QNG1: variants seen among roughly 807,000 people sequenced by gnomAD.
QNG1 encodes the protein queuosine 5'-phosphate N-glycosylase/hydrolase.
chr9:83,948,014 G>C, the QNG1 span, among the ~76,000 whole-genome samples: 1 of 139,872 alleles, frequency 7.1e-6, no homozygotes, highest in African/African-American at 2.9e-5. Context: ...CGGCCGCCCA[G>C]TCTGGGAAGT....
At chr9:83,945,137 C>T in the QNG1 span, 19 of 662,368 alleles carry the variant, frequency 2.9e-5, no homozygotes, top group East Asian at 5.9e-4. Context: ...GGCACCATGG[C>T]TCCCGCCTGT....
At chr9:83,939,637 C>T in the QNG1 span, 1 of 1,614,108 alleles carries the variant, frequency 6.2e-7, no homozygotes, top group Non-Finnish European at 8.5e-7. Context: ...GTTTTTCACC[C>T]TTTTGTTCAA....
chr9:83,944,253 C>G, the QNG1 span, among the ~76,000 whole-genome samples: 1 of 152,140 alleles, frequency 6.6e-6, no homozygotes, highest in African/African-American at 2.4e-5. Context: ...ATGTTATAAG[C>G]TAATTTTCAC....
the QNG1 span, among the ~76,000 whole-genome samples, chr9:83,950,248 C>G: frequency 4.6e-5 from 7 of 151,986 alleles, no homozygotes; most frequent in African/African-American, 1.7e-4. Flanking sequence ...CGGGGTTTCA[C>G]CACGTGTGCC....
the QNG1 span, among the ~76,000 whole-genome samples, chr9:83,949,481 T>TA: frequency 0.033 from 4,997 of 151,716 alleles, 263 homozygotes; most frequent in African/African-American, 0.11. Flanking sequence ...CCGTCTCTAC[T>TA]AAAAAAAATA....
the QNG1 span, among the ~76,000 whole-genome samples, chr9:83,944,135 A>G: frequency 2.0e-5 from 3 of 152,242 alleles, no homozygotes; most frequent in African/African-American, 7.2e-5. Flanking sequence ...CAACCTGGGC[A>G]ACATATTTTT....
chr9:83,951,504 T>A, the QNG1 span, among the ~76,000 whole-genome samples: 1 of 152,204 alleles, frequency 6.6e-6, no homozygotes, highest in Admixed American at 6.5e-5. Flanking sequence ...GAGGTTGCAG[T>A]GAGCCGAGAT....
At chr9:83,939,784 G>A in the QNG1 span, 23 of 1,355,032 alleles carry the variant, frequency 1.7e-5, no homozygotes, top group Admixed American at 1.5e-4. Context: ...AATAGTCAAT[G>A]ATACATAATC....
the QNG1 span, among the ~76,000 whole-genome samples, chr9:83,943,385 C>T: frequency 2.1e-5 from 3 of 143,906 alleles, no homozygotes; most frequent in Admixed American, 7.0e-5. Context: ...ATGGAAACCA[C>T]GTAAGAGAAT....
chr9:83,948,463 C>A, the QNG1 span, among the ~76,000 whole-genome samples: 3 of 140,860 alleles, frequency 2.1e-5, no homozygotes, highest in African/African-American at 7.8e-5. Context: ...GCCGCCCCGT[C>A]GGGGAGGGAG....
At chr9:83,950,049 A>AT in the QNG1 span, among the ~76,000 whole-genome samples, 416 of 136,958 alleles carry the variant, frequency 3.0e-3, 1 homozygote, top group Middle Eastern at 7.4e-3. Context: ...ACATTTTCCT[A>AT]TTTTTTTTTT....
chr9:83,955,373 C>G, the QNG1 span: 2 of 1,609,692 alleles, frequency 1.2e-6, no homozygotes, highest in Non-Finnish European at 1.7e-6. Flanking sequence ...CCAACAGAAG[C>G]AACTCACCTC....
the QNG1 span, among the ~76,000 whole-genome samples, chr9:83,946,356 A>G: frequency 2.6e-5 from 4 of 152,130 alleles, no homozygotes; most frequent in African/African-American, 9.7e-5. Context: ...ATAATCATCC[A>G]TAAGCTCAGG....
At chr9:83,951,961 CAT>C in the QNG1 span, among the ~76,000 whole-genome samples, 106 of 152,244 alleles carry the variant, frequency 7.0e-4, no homozygotes, top group African/African-American at 2.3e-3. Context: ...GTTAAAAACA[CAT>C]GACTAGTTTG....
the QNG1 span, among the ~76,000 whole-genome samples, chr9:83,942,757 C>T: frequency 6.6e-6 from 1 of 152,156 alleles, no homozygotes; most frequent in African/African-American, 2.4e-5. Flanking sequence ...AATTTGTCCA[C>T]CCTGTATCAA....
the QNG1 span, chr9:83,956,369 C>T: frequency 6.2e-7 from 1 of 1,607,146 alleles, no homozygotes; most frequent in Non-Finnish European, 8.5e-7. Flanking sequence ...CCTCCACGCG[C>T]AGCTCTGGCC....
chr9:83,945,671 G>C, the QNG1 span, among the ~76,000 whole-genome samples: 1 of 151,770 alleles, frequency 6.6e-6, no homozygotes, highest in South Asian at 2.1e-4. Flanking sequence ...GTGCAATCTC[G>C]GCTCACTGCA....
At chr9:83,947,143 T>A in the QNG1 span, among the ~76,000 whole-genome samples, 1 of 152,138 alleles carries the variant, frequency 6.6e-6, no homozygotes, top group Non-Finnish European at 1.5e-5. Flanking sequence ...CATAGATAAT[T>A]ACAATCAACT....
chr9:83,955,810 G>C, the QNG1 span, among the ~76,000 whole-genome samples: 10 of 152,156 alleles, frequency 6.6e-5, no homozygotes, highest in Non-Finnish European at 2.9e-5. Context: ...TTGTTCATCT[G>C]TACTTATTCA....
Sources: allele counts gnomAD v4.1 joint callset (sites outside exome capture counted in the v4.1 genomes callset), GRCh38; gene constraint gnomAD v4.1.1; transcripts MANE v1.5; gene names NCBI Gene and HGNC (gene_info 2026-07-23, HGNC 2026-07-21).